Variants in ALK observed in about 807,000 individuals in gnomAD.
ALK encodes the protein ALK receptor tyrosine kinase.
A neutral mutation model predicts 163.1 loss-of-function variants in ALK; 74 were observed. The ratio of observed to expected loss-of-function variants is 0.45; its 90% CI spans 0.38 to 0.55. The LOEUF (loss-of-function observed/expected upper bound fraction) is 0.55. ALK is among the 20% of genes least tolerant of loss of function. ALK has a pLI of 0.00. For missense variants in ALK, 2,063 were observed against 2,105.3 expected (o/e 0.98, Z 0.39); for synonymous variants, 960 against 843.2 (o/e 1.14, Z -2.40).
chr2:29,884,833 A>G (rs1293098765), intron 1 of ALK, among the ~76,000 whole-genome samples: 1 of 152,208 alleles, frequency 6.6e-6, no homozygotes, highest in Non-Finnish European at 1.5e-5. Flanking sequence ...TCTAGGAGAA[A>G]GGATATCTGC....
intron 12 of ALK, among the ~76,000 whole-genome samples, chr2:29,242,775 A>C (rs1664557351): frequency 6.6e-6 from 1 of 152,238 alleles, no homozygotes; most frequent in African/African-American, 2.4e-5. Flanking sequence ...CTGCAAACCC[A>C]TGCAAAGCAC....
chr2:29,527,689 T>C (rs975513565), intron 4 of ALK, among the ~76,000 whole-genome samples: 32 of 152,070 alleles, frequency 2.1e-4, no homozygotes, highest in African/African-American at 7.7e-4. Flanking sequence ...AAATATATTT[T>C]TTTTGTAGAG....
rs1312913111 is a variant in ALK, at chr2:29,920,348, C to T, written c.312G>A (p.Pro104=). Residue 104 remains proline (P), a synonymous_variant, in exon 1 of 29, where the codon CCG becomes CCA. Coordinates refer to ENST00000389048, the MANE Select transcript of ALK (RefSeq NM_004304.5). ...DCAPLLRLLG[P]APGVSWTAGS... ...CGGCGGTCCAGGAGACCCCCGGCGC[C>T]GGCCCCAGCAACCTGAGCAGCGGGG... The T allele has an allele frequency of 4.5e-6, 7 of 1,551,886 alleles. No homozygotes were observed. The highest frequency in any genetic ancestry group is 2.4e-5 in the East Asian group (1 of 41,176).
chr2:29,255,103 G>A (rs1285095464), intron 11 of ALK, among the ~76,000 whole-genome samples: 1 of 152,204 alleles, frequency 6.6e-6, no homozygotes, highest in Non-Finnish European at 1.5e-5. Context: ...GGTCCTCGCT[G>A]CCTTGGATGG....
chr2:29,490,707 T>C (rs1431661181), intron 4 of ALK, among the ~76,000 whole-genome samples: 1 of 152,218 alleles, frequency 6.6e-6, no homozygotes, highest in African/African-American at 2.4e-5. Context: ...GAGTAATGTT[T>C]TCAAATATGT....
intron 4 of ALK, among the ~76,000 whole-genome samples, chr2:29,447,681 T>A (rs965414206): frequency 6.6e-6 from 1 of 151,124 alleles, no homozygotes; most frequent in Non-Finnish European, 1.5e-5. Context: ...GGTGGAGGGG[T>A]TTCACTTTGA....
chr2:29,496,717 T>C (rs1048707489), intron 4 of ALK, among the ~76,000 whole-genome samples: 5 of 152,130 alleles, frequency 3.3e-5, no homozygotes, highest in Non-Finnish European at 7.4e-5. Context: ...ATGACAAATA[T>C]TTGCCATGTA....
rs1373599171 is a variant in ALK, at chr2:29,227,440, C to CA, written c.2914+133dup. 1.6e-4 allele frequency: 137 copies of CA among 841,662 alleles called. No individual in the cohort carries two copies. The highest frequency in any genetic ancestry group is 1.0e-5 in the Non-Finnish European group (5 of 481,940). 52.1% of individuals were successfully genotyped at this position (841,662 alleles called of 1,614,324 possible). On this transcript the variant is annotated intron_variant, in intron 17 of 28. Coordinates refer to ENST00000389048, the MANE Select transcript of ALK (RefSeq NM_004304.5). The surrounding 1 kb of genome is among the most constrained non-coding windows in gnomAD (Gnocchi z 4.4). ...TTCTGGAAAATGTGGTGACCTGCGCCATAGGAAGCTTGCCTGCCAGGGACC... is the reference window on the plus strand; with the variant it reads ...TTCTGGAAAATGTGGTGACCTGCGCCAATAGGAAGCTTGCCTGCCAGGGACC...
chr2:29,278,080 G>C (rs1337342204), intron 9 of ALK, among the ~76,000 whole-genome samples: 1 of 152,198 alleles, frequency 6.6e-6, no homozygotes, highest in African/African-American at 2.4e-5. Context: ...ACACCAGGGT[G>C]GGGAGAGCAG....
Position 29,920,426 on chromosome 2 carries a change from CGAG to C in ALK, c.231_233del (p.Ser78del). 6.2e-7 allele frequency: 1 copy of C among 1,602,732 alleles called. No homozygotes were observed. Among genetic ancestry groups the C allele is most frequent in the Non-Finnish European group, 8.5e-7 (1 of 1,175,126 alleles). ...CCTCGGGCCTGCCAGCCTTCAGCTC[CGAG>C]GAGGATGGTGGCAGCAGTAGGTCCC... On this transcript the variant is annotated inframe_deletion, in exon 1 of 29. Transcript: ENST00000389048.
At chr2:29,286,797 G>A (rs1401595683) in intron 9 of ALK, 1 of 152,150 alleles carries the variant, frequency 6.6e-6, no homozygotes, top group East Asian at 1.9e-4. Context: ...GAGTTATGAG[G>A]CTTTGTGGAG....
At chr2:29,517,647 T>C (rs554662219) in intron 4 of ALK, among the ~76,000 whole-genome samples, 1 of 152,288 alleles carries the variant, frequency 6.6e-6, no homozygotes, top group African/African-American at 2.4e-5. Context: ...CTAATGGAGA[T>C]ATTATCTGAC....
In ALK at chr2:29,210,180, G is replaced by A. The variant is rs143533407; in HGVS notation, c.3744-302C>T. Among the ~76,000 whole-genome samples, 41 of 151,680 alleles carry A rather than the reference G, an allele frequency of 2.7e-4. No homozygotes were observed. In the East Asian group the frequency reaches 7.0e-3, roughly 26 times the overall value. ...AGCCTTTTACTAGGTGCTAAGTGTT[G>A]TTGTAAGTGCTTCATATCTAACTCT... On this transcript the variant is annotated intron_variant, in intron 24 of 28. Transcript: ENST00000389048.
Position 29,321,008 on chromosome 2 carries a change from A to G in ALK, c.1415-126T>C, listed in dbSNP as rs1667026158. On this transcript the variant is annotated intron_variant, in intron 6 of 28. Transcript: ENST00000389048. ...TTAGTAATATAGCTCCCCAGCCAGA[A>G]TGCTGGATGACTAATGACACTGATT... The G allele has an allele frequency of 2.5e-6, 3 of 1,180,246 alleles. No homozygotes were observed. The South Asian group carries it at 3.8e-5, about 15-fold the overall frequency. The allele number at this position is 1,180,246 out of a possible 1,614,324, so 73.1% of individuals were successfully genotyped here.
chr2:29,415,022 G>T (rs1558314214), intron 4 of ALK, among the ~76,000 whole-genome samples: 2 of 151,530 alleles, frequency 1.3e-5, no homozygotes, highest in Admixed American at 6.6e-5. Flanking sequence ...GGACATGTGT[G>T]CACACACATG....
At chr2:29,364,087 T>C (rs528367567) in intron 5 of ALK, among the ~76,000 whole-genome samples, 140 of 152,220 alleles carry the variant, frequency 9.2e-4, no homozygotes, top group Non-Finnish European at 1.4e-3. Flanking sequence ...AATCTGAATA[T>C]TACTGTACTA....
chr2:29,795,292 T>G (rs965598723), intron 1 of ALK, among the ~76,000 whole-genome samples: 2 of 152,128 alleles, frequency 1.3e-5, no homozygotes, highest in African/African-American at 4.8e-5. Context: ...CCCATCTAAT[T>G]AAAAAATATT....
At chr2:29,236,084 T>G (rs1664373327) in intron 13 of ALK, among the ~76,000 whole-genome samples, 1 of 151,384 alleles carries the variant, frequency 6.6e-6, no homozygotes, top group Non-Finnish European at 1.5e-5. Context: ...TAAGCGATTC[T>G]CCTGACTCAG....
At chr2:29,357,097 C>A (rs2148283884) in intron 5 of ALK, among the ~76,000 whole-genome samples, 1 of 152,278 alleles carries the variant, frequency 6.6e-6, no homozygotes, top group Admixed American at 6.5e-5. Flanking sequence ...TACATATCAG[C>A]TATAACGAAC....
Sources: allele counts gnomAD v4.1 joint callset (sites outside exome capture counted in the v4.1 genomes callset), GRCh38; gene constraint gnomAD v4.1.1; non-coding constraint Gnocchi (gnomAD v3.1); transcripts MANE v1.5; gene names NCBI Gene and HGNC (gene_info 2026-07-23, HGNC 2026-07-21).